The following ZFYVE26 variants were observed in gnomAD, a reference collection of about 807,000 sequenced individuals.
The protein encoded by ZFYVE26 is zinc finger FYVE-type containing 26, also known as zinc finger FYVE domain-containing protein 26.
In ZFYVE26, 181 loss-of-function variants were observed where a neutral mutation model predicts 276.5. The observed-to-expected ratio is 0.65, with a 90% CI of 0.58 to 0.74. The LOEUF is 0.74. Among genes scored for constraint, ZFYVE26 ranks in the 30% least tolerant of loss-of-function variants. ZFYVE26 has a pLI of 0.00. For missense variants in ZFYVE26, 2,821 were observed against 3,097.9 expected (o/e 0.91, Z 2.12); for synonymous variants, 1,129 against 1,203.1 (o/e 0.94, Z 1.27).
Position 67,798,552 on chromosome 14 carries a change from C to G in ZFYVE26, c.1710G>C (p.Leu570=), listed in dbSNP as rs145882661. ...AGATGTTTTCCAGAAGCTCCAGGCA[C>G]AGAGAGTCAGGAATACTGCACAGAT... is the stretch of plus-strand genomic sequence containing the variant. The part of the protein sequence containing the change: ...QQYLCSIPDS[L]CLELLENIFS... Residue 570 remains leucine, a synonymous_variant, in exon 11 of 42, where the codon CTG becomes CTC. Coordinates refer to ENST00000347230, the MANE Select transcript of ZFYVE26 (RefSeq NM_015346.4). 129 of 1,613,972 alleles carry G rather than the reference C, an allele frequency of 8.0e-5. No individual in the cohort carries two copies. Among genetic ancestry groups the G allele is most frequent in the Non-Finnish European group, 9.7e-5 (115 of 1,180,028 alleles).
rs190664350 is a variant in ZFYVE26 at position 67,730,692 on chromosome 14, C to A, written n.2680-873G>T. ...GATCTTGGCTCACTGCAACTTCAGC[C>A]TCCTGGGTTCAAGCGATTCTCCTGA... On this transcript the variant is annotated intron_variant and non_coding_transcript_variant, in intron 13 of 14. Transcript: ENST00000394455. Among the ~76,000 whole-genome samples the A allele has an allele frequency of 1.3e-4, 20 of 152,224 alleles. No homozygotes were observed. In the East Asian group the frequency reaches 3.7e-3, roughly 28 times the overall value.
In ZFYVE26 at chr14:67,762,720, C is replaced by A; in HGVS notation, c.6111G>T (p.Arg2037Ser). Residue 2037 changes from arginine (R) to serine (S), a missense_variant, in exon 33 of 42, where the codon AGG becomes AGT. Physicochemically the swap from Arg to Ser is moderately radical, Grantham distance 110. Transcript: ENST00000347230. ...DQILQPAAVT[R>S]LRNQLLEAEY... ...CGGCTTCCAAAAGCTGGTTCCTTAG[C>A]CTGGTTACTGCAGCTGGCTGCAAGA... 1 of 1,614,164 alleles carries A rather than the reference C, an allele frequency of 6.2e-7. No homozygotes were observed. The highest frequency in any genetic ancestry group is 8.5e-7 in the Non-Finnish European group (1 of 1,180,046).
Position 67,774,931 on chromosome 14 carries a change from C to CAAA in ZFYVE26, c.5320+82_5320+84dup, listed in dbSNP as rs35993176. The CAAA allele has an allele frequency of 5.1e-3, 4,115 of 809,270 alleles. 4 individuals carry two copies. Among genetic ancestry groups the CAAA allele is most frequent in the Non-Finnish European group, 6.6e-3 (3,385 of 511,722 alleles). 50.1% of individuals were successfully genotyped at this position (809,270 alleles called of 1,614,324 possible). A position where few individuals can be genotyped will look rare whatever the true frequency, so the allele number is the denominator to read the frequency against. On this transcript the variant is annotated intron_variant, in intron 27 of 41. Transcript: ENST00000347230. ...TGTAACTGGCAATGAAAAAAAGAAG[C>CAAA]AAAAAAAAAAAAAAAATTCTGAAGG...
At position 67,732,754 on chromosome 14, in the gene ZFYVE26, T is replaced by A. The variant is rs921815094; in HGVS notation, n.2680-2935A>T. Among the ~76,000 whole-genome samples, 23 of 152,242 alleles carry A rather than the reference T, an allele frequency of 1.5e-4. 1 individual carries two copies. The South Asian group carries it at 4.4e-3, about 29-fold the overall frequency. ...ACCACACCCGGCTAATTGTTTTTTGTATTTTTAGTAGAGGCAGGGTTTCGC... is the reference window on the plus strand; with the variant it reads ...ACCACACCCGGCTAATTGTTTTTTGAATTTTTAGTAGAGGCAGGGTTTCGC... On this transcript the variant is annotated intron_variant and non_coding_transcript_variant, in intron 13 of 14. Transcript: ENST00000394455.
At chr14:67,757,231 G>A (rs79762080) in intron 35 of ZFYVE26, among the ~76,000 whole-genome samples, 1 of 152,278 alleles carries the variant, frequency 6.6e-6, no homozygotes, top group Non-Finnish European at 1.5e-5. Context: ...CCACAAATGA[G>A]CCCAAGTGAC....
intron 14 of ZFYVE26, 117 bp downstream of exon 14, chr14:67,793,491 G>T: frequency 8.4e-7 from 1 of 1,189,570 alleles, no homozygotes; most frequent in Non-Finnish European, 1.2e-6. Flanking sequence ...TCTTGCTTCT[G>T]CTTCTTCTGC....
intron 3 of ZFYVE26, among the ~76,000 whole-genome samples, 178 bp downstream of exon 3, chr14:67,813,808 T>C (rs1391764110): frequency 6.6e-6 from 1 of 152,222 alleles, no homozygotes; most frequent in Non-Finnish European, 1.5e-5. Context: ...TGTATATTAG[T>C]GCATTAATGA....
At chr14:67,762,925 C>T in intron 32 of ZFYVE26, 106 bp from the exon 33 acceptor site, 1 of 1,495,182 alleles carries the variant, frequency 6.7e-7, no homozygotes, top group Non-Finnish European at 9.0e-7. Context: ...TGTTTTGAAA[C>T]AGAGTCTCGT....
intron 2 of ZFYVE26, among the ~76,000 whole-genome samples, chr14:67,814,285 G>A (rs2040356820): frequency 6.6e-6 from 1 of 152,190 alleles, no homozygotes; most frequent in Non-Finnish European, 1.5e-5. Flanking sequence ...TTGGGAGGCT[G>A]AGGTGGGTGG....
chr14:67,802,996 A>G (rs929545286), intron 9 of ZFYVE26, among the ~76,000 whole-genome samples: 2 of 152,252 alleles, frequency 1.3e-5, no homozygotes, highest in Non-Finnish European at 2.9e-5. Flanking sequence ...TCCACAATGT[A>G]TATATGCATC....
intron 9 of ZFYVE26, among the ~76,000 whole-genome samples, chr14:67,803,016 C>T (rs1047989219): frequency 9.9e-5 from 15 of 152,166 alleles, no homozygotes; most frequent in Admixed American, 9.8e-4. Context: ...CAACACATCA[C>T]TTGTATTCCC....
At chr14:67,781,267 A>G in intron 22 of ZFYVE26, 66 bp downstream of exon 22, 1 of 1,546,330 alleles carries the variant, frequency 6.5e-7, no homozygotes, top group Non-Finnish European at 8.9e-7. Flanking sequence ...CCATCATATA[A>G]GATAGGTTGG....
intron 21 of ZFYVE26, among the ~76,000 whole-genome samples, 154 bp from the exon 22 acceptor site, chr14:67,781,683 C>T (rs2039504745): frequency 6.6e-6 from 1 of 152,134 alleles, no homozygotes; most frequent in Admixed American, 6.6e-5. Flanking sequence ...AGTTTTTACA[C>T]TTGGAACCAT....
At chr14:67,794,850 C>T (rs1465148255) in intron 12 of ZFYVE26, among the ~76,000 whole-genome samples, 2 of 151,984 alleles carry the variant, frequency 1.3e-5, no homozygotes, top group Admixed American at 6.6e-5. Context: ...CAGGAGGTTG[C>T]GGCAGGAAGG....
At chr14:67,761,795 A>G in intron 34 of ZFYVE26, 1 of 594,742 alleles carries the variant, frequency 1.7e-6, no homozygotes, top group Non-Finnish European at 3.0e-6. Flanking sequence ...ATATTTAACA[A>G]TGTGGAAAAA....
Position 67,815,866 on chromosome 14 carries a change from T to A in ZFYVE26, c.98A>T (p.Gln33Leu). 6.2e-7 allele frequency: 1 copy of A among 1,614,168 alleles called. No homozygotes were observed. The highest frequency in any genetic ancestry group is 8.5e-7 in the Non-Finnish European group (1 of 1,180,016). Residue 33 changes from glutamine to leucine, a missense_variant, in exon 2 of 42, where the codon CAG (glutamine) becomes CTG (leucine). Physicochemically the swap from Gln to Leu is moderately radical, Grantham distance 113. Coordinates refer to ENST00000347230, the MANE Select transcript of ZFYVE26 (RefSeq NM_015346.4). ...CLRRGEWELA[Q>L]ACVPQLQEGQ... The stretch of plus-strand genomic sequence containing the variant: ...CTCCTGTAGCTGAGGTACACATGCC[T>A]GTGCCAGCTCCCATTCTCCCCTCCG...
chr14:67,812,716 C>T (rs1189242631), intron 3 of ZFYVE26, among the ~76,000 whole-genome samples: 2 of 152,178 alleles, frequency 1.3e-5, no homozygotes, highest in Non-Finnish European at 2.9e-5. Context: ...AGAAAATAAG[C>T]AACCATTCAG....
intron 32 of ZFYVE26, among the ~76,000 whole-genome samples, chr14:67,765,096 TC>T (rs1319245066): frequency 6.6e-6 from 1 of 152,194 alleles, no homozygotes; most frequent in Admixed American, 6.5e-5. Context: ...CATGGTTATT[TC>T]AAAAATTTAA....
Position 67,807,395 on chromosome 14 carries a change from C to G in ZFYVE26, c.886+3G>C. The G allele has an allele frequency of 6.2e-7, 1 of 1,614,036 alleles. No individual in the cohort carries two copies. Among genetic ancestry groups the G allele is most frequent in the Non-Finnish European group, 8.5e-7 (1 of 1,179,950 alleles). ...TAAAGGAGCAGCAGCAAAGGGAACA[C>G]ACCTTTTCCCGAGGCTGTAGCCCTC... On this transcript the variant is annotated splice_donor_region_variant and intron_variant, in intron 5 of 41. Transcript: ENST00000347230.
Sources: gnomAD v4.1 joint callset for allele counts (sites outside exome capture counted in the v4.1 genomes callset) on GRCh38, gnomAD v4.1.1 for gene constraint, MANE v1.5 for transcripts, NCBI Gene and HGNC (gene_info 2026-07-23, HGNC 2026-07-21) for gene names.